WSB2: variants seen among roughly 807,000 people sequenced by gnomAD.
The protein encoded by WSB2 is WD repeat and SOCS box containing 2, also known as WD repeat and SOCS box-containing protein 2.
WSB2 carries 12 observed loss-of-function variants against 48.8 expected under a neutral mutation model. The ratio of observed to expected loss-of-function variants is 0.25; its 90% CI spans 0.16 to 0.40. The LOEUF (loss-of-function observed/expected upper bound fraction) is 0.40, where lower values mean the gene tolerates loss of function less well. Ranked by LOEUF, WSB2 falls within the 10% of genes least tolerant of loss-of-function variation. The pLI is 1.00. For synonymous variants in WSB2, 191 were observed against 203.1 expected (o/e 0.94, Z 0.51); for missense variants, 317 against 506.2 (o/e 0.63, Z 3.59).
At chr12:118,062,096 T>C (rs572310544), upstream of WSB2, 12 of 1,535,132 alleles carry the variant, frequency 7.8e-6, no homozygotes, top group East Asian at 2.4e-4. Flanking sequence ...TCCCCTTACC[T>C]ACCTACGGCG....
chr12:118,055,873 C>G (rs2031948624), intron 1 of WSB2, among the ~76,000 whole-genome samples: 1 of 151,668 alleles, frequency 6.6e-6, no homozygotes, highest in Non-Finnish European at 1.5e-5. Flanking sequence ...CCTCGGACTC[C>G]CAAAGTGCTG....
Position 118,034,193 on chromosome 12 carries a change from T to C in WSB2, c.*3A>G. 1.2e-6 allele frequency: 2 copies of C among 1,614,180 alleles called. No homozygotes were observed. The highest frequency in any genetic ancestry group is 1.7e-6 in the Non-Finnish European group (2 of 1,180,012). On this transcript the variant is annotated 3_prime_UTR_variant, in exon 9 of 9. Coordinates refer to ENST00000315436, the MANE Select transcript of WSB2 (RefSeq NM_018639.5). ...TACAAAGAAGCACAAGATGTGGTGTTGCTTAAAAAGTCCTGTATGTGAGGA... is the reference window on the plus strand; with the variant it reads ...TACAAAGAAGCACAAGATGTGGTGTCGCTTAAAAAGTCCTGTATGTGAGGA...
Position 118,047,813 on chromosome 12 carries a change from C to T in WSB2, c.183-4436G>A, listed in dbSNP as rs377725473. On this transcript the variant is annotated intron_variant, in intron 2 of 8. Transcript: ENST00000315436. ...TGAAAATGAGACAAAGTAAAAATTA[C>T]CTATAATCCTAACACCACCATTCTA... 2.0e-4 allele frequency among the ~76,000 whole-genome samples: 30 copies of T among 152,310 alleles called. No homozygotes were observed. The South Asian group carries it at 5.8e-3, about 29-fold the overall frequency.
chr12:118,040,864 G>A (rs138098757), intron 4 of WSB2, among the ~76,000 whole-genome samples: 2 of 152,182 alleles, frequency 1.3e-5, no homozygotes, highest in African/African-American at 2.4e-5. Context: ...CCTGGCCAAC[G>A]TGGTGAAACC....
intron 2 of WSB2, among the ~76,000 whole-genome samples, chr12:118,050,292 T>A (rs2031825757): frequency 6.6e-6 from 1 of 152,168 alleles, no homozygotes; most frequent in Non-Finnish European, 1.5e-5. Flanking sequence ...GCCATCTGAA[T>A]GGGAGCTCAC....
At chr12:118,058,758 G>A (rs2032010036) in intron 1 of WSB2, among the ~76,000 whole-genome samples, 2 of 151,022 alleles carry the variant, frequency 1.3e-5, no homozygotes, top group African/African-American at 2.4e-5. Context: ...GTGCAATGGC[G>A]AGATCTTGGT....
At chr12:118,054,594 C>A (rs1002820294) in intron 1 of WSB2, among the ~76,000 whole-genome samples, 1 of 151,752 alleles carries the variant, frequency 6.6e-6, no homozygotes, top group Non-Finnish European at 1.5e-5. Flanking sequence ...CGCTTGAACC[C>A]GGGAGGCGGA....
rs189061222 is a variant in WSB2 at position 118,045,282 on chromosome 12, G to A, written c.183-1905C>T. Among the ~76,000 whole-genome samples, 1,444 of 151,756 alleles carry A rather than the reference G, an allele frequency of 9.5e-3. 16 individuals are homozygous for A. Among genetic ancestry groups the A allele is most frequent in the African/African-American group, 0.027 (1,117 of 41,338 alleles). On this transcript the variant is annotated intron_variant, in intron 2 of 8. Coordinates refer to ENST00000315436, the MANE Select transcript of WSB2 (RefSeq NM_018639.5). ...GGAGAGGCTGAGGCAGGAGAATGGC[G>A]TGAACCCGGGAGGCGGAGCTTGCAG...
chr12:118,061,237 CGGAG>C, upstream of WSB2: 2 of 962,540 alleles, frequency 2.1e-6, no homozygotes, highest in Non-Finnish European at 2.5e-6. Context: ...GCAGGGGAAA[CGGAG>C]GGGGGGTGCG....
intron 1 of WSB2, among the ~76,000 whole-genome samples, chr12:118,059,095 C>A (rs1007792482): frequency 6.6e-6 from 1 of 152,176 alleles, no homozygotes; most frequent in Non-Finnish European, 1.5e-5. Context: ...TTGGGCTACA[C>A]TGTCTAATAG....
chr12:118,062,149 C>T, upstream of WSB2: 1 of 1,535,506 alleles, frequency 6.5e-7, no homozygotes, highest in Non-Finnish European at 8.7e-7. Context: ...CCTGCTCTCC[C>T]TGTCTACCCG....
Position 118,035,613 on chromosome 12 carries a change from T to C in WSB2, c.834-289A>G, listed in dbSNP as rs1415424133. On this transcript the variant is annotated intron_variant, in intron 6 of 8. Coordinates refer to ENST00000315436, the MANE Select transcript of WSB2 (RefSeq NM_018639.5). ...GCCACAGTAGAAACTGCAAGTCTTT[T>C]TTAGGCTAAGATACATGATAATTAT... 6 of 348,992 alleles carry C rather than the reference T, an allele frequency of 1.7e-5. No homozygotes were observed. The East Asian group carries it at 2.3e-4, about 13-fold the overall frequency. 21.6% of individuals were successfully genotyped at this position (348,992 alleles called of 1,614,324 possible).
intron 1 of WSB2, 94 bp from the exon 2 acceptor site, chr12:118,052,572 C>T (rs1244199607): frequency 1.9e-5 from 29 of 1,556,542 alleles, no homozygotes; most frequent in Non-Finnish European, 2.5e-5. Context: ...GGCAAAGAGC[C>T]ACACTATCCA....
chr12:118,038,173 C>T, intron 5 of WSB2, 115 bp downstream of exon 5: 1 of 943,216 alleles, frequency 1.1e-6, no homozygotes, highest in Non-Finnish European at 1.5e-6. Flanking sequence ...GGCCCACCAG[C>T]ATGCCTTCTA....
intron 3 of WSB2, 36 bp downstream of exon 3, chr12:118,043,097 C>T (rs767798521): frequency 6.2e-7 from 1 of 1,614,032 alleles, no homozygotes; most frequent in Admixed American, 1.7e-5. Flanking sequence ...TGCACCCGAG[C>T]CTCCCAGAAC....
At chr12:118,042,786 A>C (rs2031663752) in intron 4 of WSB2, 55 bp downstream of exon 4, 2 of 1,581,630 alleles carry the variant, frequency 1.3e-6, no homozygotes, top group Admixed American at 3.6e-5. Context: ...GGTAAAGTGG[A>C]GAAAGCAAAT....
At position 118,052,444 on chromosome 12, in the gene WSB2, C is replaced by A. The variant is rs771996936; in HGVS notation, c.48G>T (p.Gly16=). ...ACTTCCAATCAAACTGGTGGGGGCG[C>A]CCGGGCTTGAGTTCGGCCAGCAGCA... ...EPLLLAELKP[G]RPHQFDWKSS... The change falls in exon 2 of 9, where the codon GGG becomes GGT. Residue 16 remains glycine (G), a synonymous_variant. Transcript: ENST00000315436. 5.6e-5 allele frequency: 90 copies of A among 1,614,030 alleles called. No homozygotes were observed. Among genetic ancestry groups the A allele is most frequent in the Non-Finnish European group, 7.0e-5 (83 of 1,180,052 alleles).
At chr12:118,034,460 C>A in intron 8 of WSB2, 102 bp from the exon 9 acceptor site, 1 of 1,391,010 alleles carries the variant, frequency 7.2e-7, no homozygotes, top group Non-Finnish European at 9.8e-7. Flanking sequence ...GAGCAGGAGA[C>A]TTCGGAGAGT....
At chr12:118,061,949 G>T (rs1041689474), upstream of WSB2, 6 of 707,382 alleles carry the variant, frequency 8.5e-6, no homozygotes, top group South Asian at 1.2e-4. Context: ...AACAAGGGGG[G>T]CTACTCAATG....
Sources: allele counts gnomAD v4.1 joint callset (sites outside exome capture counted in the v4.1 genomes callset), GRCh38; gene constraint gnomAD v4.1.1; transcripts MANE v1.5; gene names NCBI Gene and HGNC (gene_info 2026-07-23, HGNC 2026-07-21).